APBB2: variants seen among roughly 807,000 people sequenced by gnomAD.
The protein encoded by APBB2 is Fe65-like 1.
APBB2 carries 38 observed loss-of-function variants against 82.5 expected under a neutral mutation model. That is an observed-to-expected ratio of 0.46 (90% CI 0.36 to 0.60). The LOEUF is 0.60. APBB2 is among the 20% of genes least tolerant of loss of function. The probability of loss-of-function intolerance (pLI) is 0.00; values close to 1 mark genes in which losing one functional copy is unlikely to be tolerated. For missense variants in APBB2, 772 were observed against 972.3 expected (o/e 0.79, Z 2.74); for synonymous variants, 341 against 368.2 (o/e 0.93, Z 0.85).
At chr4:41,087,635 G>A (rs185352594) in intron 3 of APBB2, among the ~76,000 whole-genome samples, 131 of 151,700 alleles carry the variant, frequency 8.6e-4, no homozygotes, top group African/African-American at 2.9e-3. Flanking sequence ...TCACCATGAC[G>A]GCCAGTTGGT....
At chr4:41,140,544 A>G (rs1322717927) in intron 2 of APBB2, among the ~76,000 whole-genome samples, 1 of 152,128 alleles carries the variant, frequency 6.6e-6, no homozygotes, top group Non-Finnish European at 1.5e-5. Context: ...ACATTGTCAC[A>G]CTGCATGTCA....
At chr4:41,003,390 G>A (rs1805766771) in intron 6 of APBB2, among the ~76,000 whole-genome samples, 1 of 152,174 alleles carries the variant, frequency 6.6e-6, no homozygotes, top group Middle Eastern at 3.4e-3. Flanking sequence ...CATCTATTAA[G>A]GAATTATCTG....
intron 6 of APBB2, among the ~76,000 whole-genome samples, chr4:40,980,154 T>C (rs1354469735): frequency 6.6e-6 from 1 of 152,104 alleles, no homozygotes; most frequent in East Asian, 1.9e-4. Flanking sequence ...TCCTGAGTAG[T>C]TGGGACTACA....
chr4:41,066,643 G>A (rs17527237), intron 3 of APBB2, among the ~76,000 whole-genome samples: 2,443 of 152,274 alleles, frequency 0.016, 27 homozygotes, highest in Non-Finnish European at 0.023. Flanking sequence ...GGAGTTAGCC[G>A]CGCTAGGGAT....
At chr4:41,140,663 G>A (rs1343222743) in intron 2 of APBB2, among the ~76,000 whole-genome samples, 1 of 152,216 alleles carries the variant, frequency 6.6e-6, no homozygotes, top group Non-Finnish European at 1.5e-5. Flanking sequence ...GTGGGCTAAT[G>A]AGCACAGCTT....
At chr4:40,943,721 C>T (rs1479513536) in intron 7 of APBB2, among the ~76,000 whole-genome samples, 1 of 152,222 alleles carries the variant, frequency 6.6e-6, no homozygotes, top group Non-Finnish European at 1.5e-5. Context: ...TGATAAGCAA[C>T]AAAGCCCTAT....
At chr4:40,930,408 G>A (rs1783777139) in intron 10 of APBB2, among the ~76,000 whole-genome samples, 1 of 149,846 alleles carries the variant, frequency 6.7e-6, no homozygotes, top group African/African-American at 2.5e-5. Flanking sequence ...AAAAGACTTT[G>A]CTCTTTGGGG....
chr4:41,116,959 G>A (rs1751194068), intron 2 of APBB2, among the ~76,000 whole-genome samples: 1 of 152,108 alleles, frequency 6.6e-6, no homozygotes, highest in South Asian at 2.1e-4. Context: ...CGCTTTGTGA[G>A]ATACAGTCTC....
At chr4:41,067,297 T>C (rs1381776540) in intron 3 of APBB2, among the ~76,000 whole-genome samples, 2 of 151,920 alleles carry the variant, frequency 1.3e-5, no homozygotes, top group Admixed American at 6.6e-5. Context: ...TAATCCCAGC[T>C]ACTCAGGAGG....
chr4:41,142,269 T>C (rs903592558), intron 2 of APBB2, among the ~76,000 whole-genome samples: 3 of 152,238 alleles, frequency 2.0e-5, no homozygotes, highest in Admixed American at 2.0e-4. Context: ...AATATATGTT[T>C]TCAAAATGAA....
intron 6 of APBB2, among the ~76,000 whole-genome samples, chr4:40,971,730 A>G (rs1795972612): frequency 6.6e-6 from 1 of 152,230 alleles, no homozygotes; most frequent in Non-Finnish European, 1.5e-5. Flanking sequence ...AAGAAAACCT[A>G]TCATATATCC....
chr4:41,033,659 T>C (rs1375951367), intron 4 of APBB2, among the ~76,000 whole-genome samples: 1 of 148,516 alleles, frequency 6.7e-6, no homozygotes, highest in Non-Finnish European at 1.5e-5. Context: ...AATTGGTACA[T>C]TTTGCCACGT....
intron 4 of APBB2, among the ~76,000 whole-genome samples, chr4:41,041,314 A>C (rs1721422092): frequency 6.6e-6 from 1 of 152,246 alleles, no homozygotes; most frequent in South Asian, 2.1e-4. Context: ...AGTTTCAGTT[A>C]AACAAGTAAA....
At chr4:41,146,065 C>T (rs1179977927) in intron 1 of APBB2, among the ~76,000 whole-genome samples, 1 of 152,010 alleles carries the variant, frequency 6.6e-6, no homozygotes, top group Non-Finnish European at 1.5e-5. Context: ...GTGACTCATG[C>T]CTGTAATCCT....
In APBB2 at chr4:40,883,710, C is replaced by CA. The variant is rs10578840; in HGVS notation, c.1529+6653dup. Among the ~76,000 whole-genome samples, 491 of 126,918 alleles carry CA rather than the reference C, an allele frequency of 3.9e-3. 2 individuals are homozygous for CA. The highest frequency in any genetic ancestry group is 0.014 in the African/African-American group (468 of 34,074). The allele number at this position is 126,918 out of a possible 152,430, so 83.3% of individuals were successfully genotyped here. ...GGCTAGGAAGGGAGATAGAGACTGC[C>CA]AAAAAAAAAAAAAAAAAATGGGCCC... On this transcript the variant is annotated intron_variant, in intron 12 of 17. Coordinates refer to ENST00000508593, the MANE Select transcript of APBB2 (RefSeq NM_004307.2).
At chr4:41,015,210 C>T (rs16851670) in intron 5 of APBB2, among the ~76,000 whole-genome samples, 6,998 of 152,174 alleles carry the variant, frequency 0.046, 340 homozygotes, top group African/African-American at 0.13. Flanking sequence ...ATCTGGCAAC[C>T]GCATTTATCT....
Position 41,020,662 on chromosome 4 carries a change from C to T in APBB2, c.20-6264G>A, listed in dbSNP as rs181235274. Among the ~76,000 whole-genome samples, 73 of 152,330 alleles carry T rather than the reference C, an allele frequency of 4.8e-4. 2 individuals are homozygous for T. In the East Asian group the frequency reaches 0.01, roughly 21 times the overall value. On this transcript the variant is annotated intron_variant, in intron 5 of 17. Transcript: ENST00000508593. ...AGGTTATAAGGTAATCCCAAACTTACAACGTTTTCAACAAAAGTAAAGTTT... is the reference window on the plus strand; with the variant it reads ...AGGTTATAAGGTAATCCCAAACTTATAACGTTTTCAACAAAAGTAAAGTTT...
rs931995085 is a variant in APBB2, at chr4:40,890,485, C to T, written c.1408G>A (p.Asp470Asn). Reference protein sequence around the residue: ...DTVGIWGEGKDMYLILENDML... With the variant: ...DTVGIWGEGKNMYLILENDML... ...TCATTCTCCAGGATCAGGTACATGT[C>T]TTTCCCCTGGGACACAACGAGAAAA... Residue 470 changes from aspartate to asparagine, a missense_variant, in exon 12 of 18, where the codon GAC (aspartate) becomes AAC (asparagine). Physicochemically the swap from Asp to Asn is conservative, Grantham distance 23. Coordinates refer to ENST00000508593, the MANE Select transcript of APBB2 (RefSeq NM_004307.2). 5 of 1,613,886 alleles carry T rather than the reference C, an allele frequency of 3.1e-6. No individual in the cohort carries two copies. The highest frequency in any genetic ancestry group is 2.7e-5 in the African/African-American group (2 of 74,884).
chr4:41,195,150 C>A, intron 1 of APBB2, among the ~76,000 whole-genome samples: 1 of 152,140 alleles, frequency 6.6e-6, no homozygotes, highest in Non-Finnish European at 1.5e-5. Context: ...TACTCCCAAA[C>A]CTACAGGCCC....
Sources: allele counts gnomAD v4.1 joint callset (sites outside exome capture counted in the v4.1 genomes callset), GRCh38; gene constraint gnomAD v4.1.1; transcripts MANE v1.5; gene names NCBI Gene and HGNC (gene_info 2026-07-23, HGNC 2026-07-21).